The following ANO8 variants were observed in gnomAD, a reference collection of about 807,000 sequenced individuals.
ANO8 encodes anoctamin-8.
A neutral mutation model predicts 120.4 loss-of-function variants in ANO8; 67 were observed. The observed-to-expected ratio is 0.56, with a 90% CI of 0.46 to 0.68. The LOEUF (loss-of-function observed/expected upper bound fraction) is 0.68. Among genes scored for constraint, ANO8 ranks in the 30% least tolerant of loss-of-function variants. The probability of loss-of-function intolerance (pLI) is 0.00; values close to 1 mark genes in which losing one functional copy is unlikely to be tolerated. For synonymous variants in ANO8, 727 were observed against 759.2 expected, an observed-to-expected ratio of 0.96 and a Z score of 0.70; for missense variants, 1,526 against 1,737.6, an observed-to-expected ratio of 0.88 and a Z score of 2.16.
chr19:17,330,058 C>T (rs748368191), intron 10 of ANO8, 44 bp from the exon 11 acceptor site: 65 of 1,613,776 alleles, frequency 4.0e-5, no homozygotes, highest in Non-Finnish European at 5.2e-5. Flanking sequence ...GCGGTCCCCC[C>T]AAGGGTGGCA....
At position 17,328,218 on chromosome 19, in the gene ANO8, C is replaced by T; in HGVS notation, c.2170G>A (p.Glu724Lys). The T allele has an allele frequency of 1.3e-6, 2 of 1,591,124 alleles. No homozygotes were observed. The highest frequency in any genetic ancestry group is 3.4e-5 in the Admixed American group (2 of 59,450). Residue 724 changes from glutamate (E) to lysine (K), a missense_variant, in exon 13 of 18, where the codon GAA becomes AAA. Transcript: ENST00000159087. The stretch of plus-strand genomic sequence containing the variant: ...GCCTGGGTGAGCTGGGGCGAGTGTT[C>T]CTCCTCCGGCGGGTCAATCCAAGAC... ...RSSWIDPPEE[E>K]HSPQLTQAEL... is the part of the protein sequence containing the mutation.
At chr19:17,325,464 G>T in intron 16 of ANO8, 78 bp from the exon 17 acceptor site, 1 of 1,492,828 alleles carries the variant, frequency 6.7e-7, no homozygotes, top group South Asian at 1.3e-5. Flanking sequence ...GTGCATGCCA[G>T]GGCTCTCTGC....
chr19:17,330,069 G>A, intron 10 of ANO8, 55 bp from the exon 11 acceptor site: 2 of 1,613,882 alleles, frequency 1.2e-6, no homozygotes, highest in South Asian at 1.1e-5. Flanking sequence ...AAGGGTGGCA[G>A]GGATCCCAAG....
intron 8 of ANO8, 24 bp from the exon 9 acceptor site, chr19:17,330,528 C>A: frequency 6.7e-7 from 1 of 1,489,584 alleles, no homozygotes; most frequent in Non-Finnish European, 9.0e-7. Context: ...AAGACCGGGC[C>A]CAGCATGAGC....
chr19:17,328,753 G>A lies in ANO8; in HGVS notation c.1635C>T (p.Cys545=), dbSNP rs914685787. The change falls in exon 13 of 18, where the codon TGC becomes TGT. Residue 545 remains cysteine, a synonymous_variant. Coordinates refer to ENST00000159087, the MANE Select transcript of ANO8 (RefSeq NM_020959.3). ...GGGSGGGGRR[C]LSGGCGAPEE... ...CCGGCGCCCCGCAGCCCCCGCTGAGGCACCTGCGGCCCCCGCCCCCGCTGC... is the reference window on the plus strand; with the variant it reads ...CCGGCGCCCCGCAGCCCCCGCTGAGACACCTGCGGCCCCCGCCCCCGCTGC... The A allele has an allele frequency of 2.3e-6, 3 of 1,328,688 alleles. No homozygotes were observed. The highest frequency in any genetic ancestry group is 2.9e-6 in the Non-Finnish European group (3 of 1,044,954). The allele number at this position is 1,328,688 out of a possible 1,614,324, so 82.3% of individuals were successfully genotyped here.
In ANO8 at chr19:17,330,636, G is replaced by A. The variant is rs1283494850; in HGVS notation, c.994-132C>T. On this transcript the variant is annotated intron_variant, in intron 8 of 17. Transcript: ENST00000159087. ...TGACCCTCTCAGGTCACCCACCTAG[G>A]GCACTGTTCCCAGTCCCTCAAATCC... 7 of 1,393,852 alleles carry A rather than the reference G, an allele frequency of 5.0e-6. No individual in the cohort carries two copies. The East Asian group carries it at 1.5e-4, about 29-fold the overall frequency. The allele number at this position is 1,393,852 out of a possible 1,614,324, so 86.3% of individuals were successfully genotyped here.
intron 16 of ANO8, among the ~76,000 whole-genome samples, chr19:17,326,589 A>G (rs551381765): frequency 1.3e-5 from 2 of 152,360 alleles, no homozygotes; most frequent in South Asian, 2.1e-4. Flanking sequence ...GCTCTGTTCA[A>G]TAAAATAAAA....
chr19:17,325,853 G>A lies in ANO8; in HGVS notation c.2662-467C>T, dbSNP rs1013769527. On this transcript the variant is annotated intron_variant, in intron 16 of 17. Transcript: ENST00000159087. ...TGAGGCAGGAGAATCGCTTGAACCC[G>A]GGAGACGGAGGTTGCAGTGAGCTGA... Among the ~76,000 whole-genome samples the A allele has an allele frequency of 4.6e-5, 7 of 152,186 alleles. No homozygotes were observed. The East Asian group carries it at 9.6e-4, about 21-fold the overall frequency.
chr19:17,330,605 C>T (rs1214622638), intron 8 of ANO8, 101 bp from the exon 9 acceptor site: 3 of 1,424,866 alleles, frequency 2.1e-6, no homozygotes, highest in East Asian at 5.0e-5. Flanking sequence ...CTCCATCATG[C>T]GGAGGTGACC....
intron 12 of ANO8, 33 bp downstream of exon 12, chr19:17,329,724 C>T (rs375503706): frequency 6.3e-7 from 1 of 1,586,512 alleles, no homozygotes; most frequent in East Asian, 2.3e-5. Flanking sequence ...GCCATGGGGG[C>T]AGGGGGGACT....
rs1323634211 is a variant in ANO8 at position 17,328,814 on chromosome 19, C to T, written c.1574G>A (p.Arg525His). 2.8e-6 allele frequency: 4 copies of T among 1,408,148 alleles called. No individual in the cohort carries two copies. The highest frequency in any genetic ancestry group is 3.1e-5 in the East Asian group (1 of 32,698). The allele number at this position is 1,408,148 out of a possible 1,614,324, so 87.2% of individuals were successfully genotyped here. ...GCCCTCATCCGCCTGGGGTTCGAGG[C>T]GGCGGGGCGCAGGGCGCCGGAGGCT... ...LLSLRRPAPRRLEPQADEGGG... is the reference protein window; with the variant it reads ...LLSLRRPAPRHLEPQADEGGG... Residue 525 changes from arginine to histidine, a missense_variant, in exon 13 of 18, where the codon CGC (arginine) becomes CAC (histidine). Physicochemically the swap from Arg to His is conservative, Grantham distance 29 (BLOSUM62 0). Around this residue, in one of 8 missense-constraint regions of ANO8, gnomAD observed 467 missense variants for 425.8 expected, o/e 1.10. Transcript: ENST00000159087.
Position 17,328,464 on chromosome 19 carries a change from G to A in ANO8, c.1924C>T (p.Pro642Ser), listed in dbSNP as rs1367785375. Residue 642 changes from proline to serine, a missense_variant, in exon 13 of 18, where the codon CCC (proline) becomes TCC (serine). This residue lies in a region of ANO8 where 467 missense variants were observed against 425.8 expected (regional missense o/e 1.10). Transcript: ENST00000159087. The part of the protein sequence containing the change: ...SPEALLEEGS[P>S]TMVEKGLEPG... Reference sequence around the variant, plus strand: ...TCCAGCCCCTTCTCCACCATAGTGGGGCTCCCTTCCTCCAGGAGGGCCTCC... The same window carrying A: ...TCCAGCCCCTTCTCCACCATAGTGGAGCTCCCTTCCTCCAGGAGGGCCTCC... The A allele has an allele frequency of 6.3e-7, 1 of 1,575,502 alleles. No individual in the cohort carries two copies. The highest frequency in any genetic ancestry group is 1.8e-5 in the Admixed American group (1 of 55,180).
chr19:17,330,538 C>A (rs2145689260), intron 8 of ANO8, 34 bp from the exon 9 acceptor site: 1 of 1,480,256 alleles, frequency 6.8e-7, no homozygotes, highest in Non-Finnish European at 9.0e-7. Flanking sequence ...CCAGCATGAG[C>A]TCAGAGGGGC....
At chr19:17,324,441 G>A (rs754338083) in intron 17 of ANO8, among the ~76,000 whole-genome samples, 6 of 152,026 alleles carry the variant, frequency 3.9e-5, no homozygotes, top group Non-Finnish European at 7.4e-5. Flanking sequence ...TCCTGGCACC[G>A]GAGCATGGTG....
Position 17,331,124 on chromosome 19 carries a change from G to C in ANO8, c.795C>G (p.Phe265Leu). Residue 265 changes from phenylalanine (F) to leucine (L), a missense_variant, in exon 7 of 18, where the codon TTC (phenylalanine) becomes TTG (leucine). Physicochemically the swap from Phe to Leu is conservative, Grantham distance 22. Transcript: ENST00000159087. ...YTSAMVYPAVFGSVLYTFTEA... is the reference protein window; with the variant it reads ...YTSAMVYPAVLGSVLYTFTEA... ...CTGTGAATGTGTACAGGACAGACCC[G>C]AAGACAGCTGGGTATACCATAGCCG... 1 of 1,614,226 alleles carries C rather than the reference G, an allele frequency of 6.2e-7. No individual in the cohort carries two copies. The highest frequency in any genetic ancestry group is 8.5e-7 in the Non-Finnish European group (1 of 1,180,038).
chr19:17,327,295 G>A lies in ANO8; in HGVS notation c.2601C>T (p.Ile867=), dbSNP rs2074278875. The A allele has an allele frequency of 6.5e-7, 1 of 1,549,476 alleles. No individual in the cohort carries two copies. Among genetic ancestry groups the A allele is most frequent in the African/African-American group, 1.4e-5 (1 of 72,984 alleles). Residue 867 remains isoleucine (I), a synonymous_variant, in exon 16 of 18, where the codon ATC becomes ATT. Transcript: ENST00000159087. ...CCATTTCCTCGGCCACCCAGCCCGGGATATCGGGGATGGCCACGTGGATGA... is the reference window on the plus strand; with the variant it reads ...CCATTTCCTCGGCCACCCAGCCCGGAATATCGGGGATGGCCACGTGGATGA... ...KYLIHVAIPD[I]PGWVAEEMAK...
chr19:17,327,363 A>AGGAGGCT lies in ANO8; in HGVS notation c.2551-25_2551-19dup. ...GCGAAGTGCTGCAGGGGTGGCAGAG[A>AGGAGGCT]GGAGGCTGCAGGCTGCAGACGCTGG... is the stretch of plus-strand genomic sequence containing the variant. On this transcript the variant is annotated intron_variant, in intron 15 of 17. Coordinates refer to ENST00000159087, the MANE Select transcript of ANO8 (RefSeq NM_020959.3). 1.3e-6 allele frequency: 2 copies of AGGAGGCT among 1,549,520 alleles called. No individual in the cohort carries two copies. Among genetic ancestry groups the AGGAGGCT allele is most frequent in the Non-Finnish European group, 1.7e-6 (2 of 1,145,330 alleles).
chr19:17,325,274 C>T lies in ANO8; in HGVS notation c.2774G>A (p.Gly925Asp). ...EHHARREHDS[G>D]GREEARAEGS... ...CTCGGCCCTCGCCTCCTCTCGGCCACCAGAATCATGCTCCCGCCGGGCATG... is the reference window on the plus strand; with the variant it reads ...CTCGGCCCTCGCCTCCTCTCGGCCATCAGAATCATGCTCCCGCCGGGCATG... The change falls in exon 17 of 18, where the codon GGT becomes GAT. Residue 925 changes from glycine to aspartate, a missense_variant. Coordinates refer to ENST00000159087, the MANE Select transcript of ANO8 (RefSeq NM_020959.3). 3 of 1,608,132 alleles carry T rather than the reference C, an allele frequency of 1.9e-6. No homozygotes were observed. Among genetic ancestry groups the T allele is most frequent in the Non-Finnish European group, 2.5e-6 (3 of 1,179,852 alleles).
chr19:17,328,105 G>C, intron 13 of ANO8, 57 bp downstream of exon 13: 1 of 1,465,284 alleles, frequency 6.8e-7, no homozygotes, highest in South Asian at 1.4e-5. Context: ...ACCCTCGGAC[G>C]GTGTGTCCCG....
Sources: allele counts gnomAD v4.1 joint callset (sites outside exome capture counted in the v4.1 genomes callset), GRCh38; gene constraint gnomAD v4.1.1; regional missense constraint gnomAD v4.1.1; transcripts MANE v1.5; gene names NCBI Gene and HGNC (gene_info 2026-07-23, HGNC 2026-07-21).